The following FBXW2 variants were observed in gnomAD, a reference collection of about 807,000 sequenced individuals.
FBXW2 encodes F-box/WD repeat-containing protein 2.
A neutral mutation model predicts 46.0 loss-of-function variants in FBXW2; 12 were observed. That is an observed-to-expected ratio of 0.26 (90% confidence interval 0.17 to 0.42). The LOEUF (loss-of-function observed/expected upper bound fraction) is 0.42. Ranked by LOEUF, FBXW2 falls within the 10% of genes least tolerant of loss-of-function variation. The pLI, the probability that FBXW2 is intolerant of heterozygous loss-of-function variation, is 1.00. For synonymous variants in FBXW2, 203 were observed against 209.6 expected, an observed-to-expected ratio of 0.97 and a Z score of 0.27; for missense variants, 360 against 537.0, an observed-to-expected ratio of 0.67 and a Z score of 3.26.
intron 3 of FBXW2, among the ~76,000 whole-genome samples, chr9:120,779,080 T>A (rs920740465): frequency 4.6e-5 from 7 of 152,234 alleles, no homozygotes; most frequent in African/African-American, 1.7e-4. Context: ...GCTCCAGTCA[T>A]CTTGAAATAC....
intron 2 of FBXW2, among the ~76,000 whole-genome samples, chr9:120,791,020 C>A (rs2044828755): frequency 1.3e-5 from 2 of 152,192 alleles, no homozygotes; most frequent in South Asian, 4.1e-4. Flanking sequence ...CAGTTCACCT[C>A]TGATTATTCT....
chr9:120,761,191 G>GA lies in FBXW2; in HGVS notation c.*3367dup, dbSNP rs1465978822. On this transcript the variant is annotated 3_prime_UTR_variant, in exon 8 of 8. Coordinates refer to ENST00000608872, the MANE Select transcript of FBXW2 (RefSeq NM_012164.4). ...ATTACTTCAAATGATTGAGCTGGAG[G>GA]AAACTACATTCCTTTGGAATGATGA... 2.6e-5 allele frequency: 4 copies of GA among 152,184 alleles called. No homozygotes were observed. The highest frequency in any genetic ancestry group is 5.9e-5 in the Non-Finnish European group (4 of 68,038). 9.4% of individuals were successfully genotyped at this position (152,184 alleles called of 1,614,324 possible). A position where few individuals can be genotyped will look rare whatever the true frequency, so the allele number is the denominator to read the frequency against.
chr9:120,783,149 T>C (rs1455680494), intron 3 of FBXW2, among the ~76,000 whole-genome samples: 2 of 152,178 alleles, frequency 1.3e-5, no homozygotes, highest in South Asian at 2.1e-4. Context: ...CTAGTTTTTA[T>C]AGGAAAACAT....
At chr9:120,777,913 C>T (rs1378904742) in intron 4 of FBXW2, among the ~76,000 whole-genome samples, 1 of 152,044 alleles carries the variant, frequency 6.6e-6, no homozygotes, top group African/African-American at 2.4e-5. Context: ...GTGTAGACCA[C>T]ACAATCTAAG....
chr9:120,764,747 G>T lies in FBXW2; in HGVS notation c.1177C>A (p.Arg393=), dbSNP rs1455902070. ...CAGCGACTAATCAGGCTCTCTGTCC[G>T]CAAGTCCATGATGTACAGGTAGCGG... ...DNRYLYIMDL[R]TESLISRWPL... The change falls in exon 8 of 8, where the codon CGG becomes AGG. Residue 393 remains arginine (R), a synonymous_variant. Coordinates refer to ENST00000608872, the MANE Select transcript of FBXW2 (RefSeq NM_012164.4). 3 of 1,614,140 alleles carry T rather than the reference G, an allele frequency of 1.9e-6. No homozygotes were observed. The highest frequency in any genetic ancestry group is 4.5e-5 in the East Asian group (2 of 44,884).
rs2131374560 is a variant in FBXW2 at position 120,788,022 on chromosome 9, T to C, written c.237A>G (p.Thr79=). Residue 79 remains threonine (T), a synonymous_variant, in exon 3 of 8, where the codon ACA becomes ACG. Coordinates refer to ENST00000608872, the MANE Select transcript of FBXW2 (RefSeq NM_012164.4). ...TCCACTGTTTAGAGACGAGGCAGCA[T>C]GTGAGTAAAGTCTGAGGATCGAGCC... ...LKWLDPQTLL[T]CCLVSKQWNK... is the part of the protein sequence containing the mutation. 5 of 1,614,174 alleles carry C rather than the reference T, an allele frequency of 3.1e-6. No homozygotes were observed. Among genetic ancestry groups the C allele is most frequent in the Non-Finnish European group, 4.2e-6 (5 of 1,180,030 alleles).
At chr9:120,792,414 A>G (rs1457772701) in intron 2 of FBXW2, 3 of 152,702 alleles carry the variant, frequency 2.0e-5, no homozygotes, top group Admixed American at 6.5e-5. Context: ...TATGCATAAA[A>G]TGTATTCTGA....
Position 120,772,795 on chromosome 9 carries a change from CA to C in FBXW2, c.864del (p.Gly289GlufsTer6). 6.2e-7 allele frequency: 1 copy of C among 1,604,892 alleles called. No individual in the cohort carries two copies. The highest frequency in any genetic ancestry group is 8.5e-7 in the Non-Finnish European group (1 of 1,177,120). On this transcript the variant is annotated frameshift_variant, in exon 6 of 8. Coordinates refer to ENST00000608872, the MANE Select transcript of FBXW2 (RefSeq NM_012164.4). LOFTEE classifies it high-confidence loss of function. ...TCTGCACTTAAGAGGATGTAGTCTC[CA>C]GGACTGTGCAAGAGAGACTTGACTT... Reference protein sequence around the residue: ...KCKVKSLLHSPGDYILLSADK... With the variant: ...KCKVKSLLHSXGDYILLSADK...
At position 120,762,693 on chromosome 9, in the gene FBXW2, C is replaced by A. The variant is rs927024468; in HGVS notation, c.*1866G>T. On this transcript the variant is annotated 3_prime_UTR_variant, in exon 8 of 8. Transcript: ENST00000608872. ...AGATAGGTCCCCACTCTAGAGTTCA[C>A]ATCATTCTCAGCTCTGCCAGCAACC... The A allele has an allele frequency of 2.6e-5, 4 of 152,268 alleles. No individual in the cohort carries two copies. The highest frequency in any genetic ancestry group is 5.9e-5 in the Non-Finnish European group (4 of 68,052). The allele number at this position is 152,268 out of a possible 1,614,324, so 9.4% of individuals were successfully genotyped here.
At chr9:120,770,423 C>A (rs1398207343) in intron 7 of FBXW2, among the ~76,000 whole-genome samples, 2 of 151,796 alleles carry the variant, frequency 1.3e-5, no homozygotes, top group East Asian at 3.9e-4. Flanking sequence ...TTTCTGTACT[C>A]CTCCAAGTCC....
intron 2 of FBXW2, among the ~76,000 whole-genome samples, chr9:120,789,761 G>GT (rs1385353610): frequency 3.9e-5 from 6 of 152,190 alleles, no homozygotes; most frequent in Admixed American, 1.3e-4. Context: ...GAGTAAAATT[G>GT]TAAGTGTCCA....
At chr9:120,766,383 T>G (rs1044042220) in intron 7 of FBXW2, among the ~76,000 whole-genome samples, 89 of 152,306 alleles carry the variant, frequency 5.8e-4, no homozygotes, top group African/African-American at 2.0e-3. Flanking sequence ...TCAGGAAGGA[T>G]GGGGGACATT....
chr9:120,790,282 A>C (rs1260705500), intron 2 of FBXW2, among the ~76,000 whole-genome samples: 1 of 152,172 alleles, frequency 6.6e-6, no homozygotes, highest in Non-Finnish European at 1.5e-5. Context: ...CAGGAGATCG[A>C]GATCATCCTG....
chr9:120,770,322 G>A (rs2044352111), intron 7 of FBXW2, among the ~76,000 whole-genome samples: 1 of 150,824 alleles, frequency 6.6e-6, no homozygotes, highest in African/African-American at 2.4e-5. Flanking sequence ...CCTGCAGTGA[G>A]CAGAGATTGT....
chr9:120,793,109 G>A (rs1044726657), intron 2 of FBXW2, 40 bp downstream of exon 2: 1 of 706,874 alleles, frequency 1.4e-6, no homozygotes, highest in South Asian at 1.7e-5. Flanking sequence ...GTTGCTCCCA[G>A]GTCCCTTGCT....
At chr9:120,776,883 T>A (rs2044508388) in intron 4 of FBXW2, among the ~76,000 whole-genome samples, 1 of 151,980 alleles carries the variant, frequency 6.6e-6, no homozygotes, top group South Asian at 2.1e-4. Flanking sequence ...AGGAACTCAA[T>A]CTAAGTAGGG....
chr9:120,774,760 C>G (rs2044456748), intron 5 of FBXW2, among the ~76,000 whole-genome samples: 1 of 152,180 alleles, frequency 6.6e-6, no homozygotes, highest in Non-Finnish European at 1.5e-5. Flanking sequence ...GCACCAGACA[C>G]TTGCTCAGAA....
rs1235865681 is a variant in FBXW2, at chr9:120,764,423, T to C, written c.*136A>G. The C allele has an allele frequency of 1.2e-5, 12 of 1,017,180 alleles. No individual in the cohort carries two copies. The highest frequency in any genetic ancestry group is 3.2e-5 in the African/African-American group (2 of 61,972). The allele number at this position is 1,017,180 out of a possible 1,614,324, so 63.0% of individuals were successfully genotyped here. On this transcript the variant is annotated 3_prime_UTR_variant, in exon 8 of 8. Transcript: ENST00000608872. ...CCGAGCCCTGGCCCCTGGCAAAACATAGATAAATGATTGTGCACTGCGTGA... is the reference window on the plus strand; with the variant it reads ...CCGAGCCCTGGCCCCTGGCAAAACACAGATAAATGATTGTGCACTGCGTGA...
In FBXW2 at chr9:120,764,612, T is replaced by C. The variant is rs1040769271; in HGVS notation, c.1312A>G (p.Thr438Ala). The C allele has an allele frequency of 2.5e-6, 4 of 1,614,076 alleles. No homozygotes were observed. The African/African-American group carries it at 4.0e-5, about 16-fold the overall frequency. ...GHNDTGLVFA[T>A]SMPDHSIHLV... ...TGAATACTGTGGTCAGGCATGCTGGTGGCAAAGACCAAGCCCGTGTCATTG... is the reference window on the plus strand; with the variant it reads ...TGAATACTGTGGTCAGGCATGCTGGCGGCAAAGACCAAGCCCGTGTCATTG... The change falls in exon 8 of 8, where the codon ACC becomes GCC. Residue 438 changes from threonine to alanine, a missense_variant. Thr to Ala is a moderately conservative substitution (Grantham distance 58). Transcript: ENST00000608872.
Sources: gnomAD v4.1 joint callset for allele counts (sites outside exome capture counted in the v4.1 genomes callset) on GRCh38, gnomAD v4.1.1 for gene constraint, MANE v1.5 for transcripts, NCBI Gene and HGNC (gene_info 2026-07-23, HGNC 2026-07-21) for gene names.